The following TFF1 variants were observed in gnomAD, a reference collection of about 807,000 sequenced individuals.
TFF1 encodes breast cancer estrogen-inducible protein.
TFF1 carries 8 observed loss-of-function variants against 7.7 expected under a neutral mutation model. The ratio of observed to expected loss-of-function variants is 1.04; its 90% CI spans 0.61 to 1.87. The LOEUF (loss-of-function observed/expected upper bound fraction) is 1.87, where lower values mean the gene tolerates loss of function less well. Ranked by LOEUF, TFF1 falls within the 40% of genes most tolerant of loss-of-function variation. The pLI is 0.00. For synonymous variants in TFF1, 47 were observed against 44.8 expected, an observed-to-expected ratio of 1.05 and a Z score of -0.19; for missense variants, 120 against 113.4, an observed-to-expected ratio of 1.06 and a Z score of -0.26.
At chr21:42,364,178 G>A (rs2052261114) in intron 1 of TFF1, among the ~76,000 whole-genome samples, 1 of 152,070 alleles carries the variant, frequency 6.6e-6, no homozygotes, top group African/African-American at 2.4e-5. Context: ...ACAACGCAAG[G>A]CCATCGTCCC....
Position 42,362,439 on chromosome 21 carries a change from G to T in TFF1, c.*40C>A, listed in dbSNP as rs181388912. Reference sequence around the variant, plus strand: ...TGGGACTAATCACCGTGCTGGGGACGGCACCGCGTCAGGATGCAGGCAGAT... The same window carrying T: ...TGGGACTAATCACCGTGCTGGGGACTGCACCGCGTCAGGATGCAGGCAGAT... On this transcript the variant is annotated 3_prime_UTR_variant, in exon 3 of 3. Transcript: ENST00000291527. The T allele has an allele frequency of 6.4e-7, 1 of 1,566,046 alleles. No individual in the cohort carries two copies. The highest frequency in any genetic ancestry group is 2.4e-5 in the East Asian group (1 of 41,768).
chr21:42,363,419 C>T lies in TFF1; in HGVS notation c.86-12G>A. 6.2e-7 allele frequency: 1 copy of T among 1,612,116 alleles called. No homozygotes were observed. Among genetic ancestry groups the T allele is most frequent in the Non-Finnish European group, 8.5e-7 (1 of 1,179,036 alleles). On this transcript the variant is annotated splice_polypyrimidine_tract_variant and intron_variant, in intron 1 of 2. Transcript: ENST00000291527. Reference sequence around the variant, plus strand: ...CACTGTACACGTCTCTGAAAGTGCACAGGTAAGAAGCAAAGTAAGTTGTGG... The same window carrying T: ...CACTGTACACGTCTCTGAAAGTGCATAGGTAAGAAGCAAAGTAAGTTGTGG...
At chr21:42,362,900 C>CAA (rs34253894) in intron 2 of TFF1, among the ~76,000 whole-genome samples, 2 of 117,616 alleles carry the variant, frequency 1.7e-5, no homozygotes, top group Admixed American at 9.0e-5. Flanking sequence ...GACTCCATTT[C>CAA]AAAAAAAAAA....
At chr21:42,363,522 C>A (rs750887293) in intron 1 of TFF1, 115 bp from the exon 2 acceptor site, 1 of 1,318,694 alleles carries the variant, frequency 7.6e-7, no homozygotes, top group Non-Finnish European at 1.0e-6. Context: ...TCCAGTGAGG[C>A]GGATATAAAA....
chr21:42,366,527 G>C lies in TFF1; in HGVS notation c.-32C>G. On this transcript the variant is annotated 5_prime_UTR_variant, in exon 1 of 3. Transcript: ENST00000291527. ...CTCTCTGCTCCAAAGGCGACCCCGA[G>C]TCAGGGATGAGAGGCCGCCCGAGCC... 3 of 1,588,886 alleles carry C rather than the reference G, an allele frequency of 1.9e-6. No individual in the cohort carries two copies. Among genetic ancestry groups the C allele is most frequent in the Non-Finnish European group, 2.6e-6 (3 of 1,161,626 alleles).
At position 42,366,423 on chromosome 21, in the gene TFF1, C is replaced by T. The variant is rs117389225; in HGVS notation, c.73G>A (p.Glu25Lys). The T allele has an allele frequency of 0.012, 19,334 of 1,611,318 alleles. 164 individuals carry two copies. Among genetic ancestry groups the T allele is most frequent in the Middle Eastern group, 0.034 (203 of 6,036 alleles). The change falls in exon 1 of 3, where the codon GAG becomes AAG. Residue 25 changes from glutamate (E) to lysine (K), a missense_variant. Physicochemically the swap from Glu to Lys is moderately conservative, Grantham distance 56 (BLOSUM62 1). Transcript: ENST00000291527. ...AAGCACGCCTTACCTGTCTGGGCCTCGGCCAGGGTGCCGAGGGCCAGCATG... is the reference window on the plus strand; with the variant it reads ...AAGCACGCCTTACCTGTCTGGGCCTTGGCCAGGGTGCCGAGGGCCAGCATG... ...VSMLALGTLA[E>K]AQTETCTVAP... is the part of the protein sequence containing the mutation.
intron 1 of TFF1, among the ~76,000 whole-genome samples, chr21:42,366,005 G>A (rs1211147592): frequency 2.6e-5 from 4 of 152,202 alleles, no homozygotes; most frequent in Non-Finnish European, 5.9e-5. Flanking sequence ...GGCCATCACT[G>A]GGACCGGCAT....
At chr21:42,365,412 G>T (rs904225261) in intron 1 of TFF1, among the ~76,000 whole-genome samples, 1 of 152,138 alleles carries the variant, frequency 6.6e-6, no homozygotes, top group Non-Finnish European at 1.5e-5. Flanking sequence ...GGGCTTGGGG[G>T]TCTTCCCACT....
rs539013827 is a variant in TFF1, at chr21:42,362,401, G to C, written c.*78C>G. The C allele has an allele frequency of 6.6e-7, 1 of 1,515,256 alleles. No homozygotes were observed. The highest frequency in any genetic ancestry group is 8.9e-7 in the Non-Finnish European group (1 of 1,119,934). 93.9% of individuals were successfully genotyped at this position (1,515,256 alleles called of 1,614,324 possible). A position where few individuals can be genotyped will look rare whatever the true frequency, so the allele number is the denominator to read the frequency against. On this transcript the variant is annotated 3_prime_UTR_variant, in exon 3 of 3. Transcript: ENST00000291527. ...CGTGTCTGAGGTGTCCGGTGGAGGT[G>C]GCAGCCGAGCTCTGGGACTAATCAC...
intron 1 of TFF1, among the ~76,000 whole-genome samples, chr21:42,365,224 G>A (rs1182325268): frequency 1.3e-5 from 2 of 151,718 alleles, no homozygotes; most frequent in African/African-American, 4.8e-5. Context: ...GTGGGGAGGG[G>A]AGTTTGCCAC....
intron 1 of TFF1, among the ~76,000 whole-genome samples, chr21:42,365,223 GGA>G (rs2052270019): frequency 6.6e-6 from 1 of 152,006 alleles, no homozygotes; most frequent in South Asian, 2.1e-4. Context: ...GGTGGGGAGG[GGA>G]GTTTGCCACG....
intron 1 of TFF1, among the ~76,000 whole-genome samples, chr21:42,365,268 C>G (rs1307669443): frequency 8.3e-6 from 1 of 120,518 alleles, no homozygotes; most frequent in Non-Finnish European, 1.8e-5. Context: ...GGGGGCAGAG[C>G]TGGGGGCTGG....
chr21:42,363,238 G>T lies in TFF1; in HGVS notation c.238+17C>A, dbSNP rs374812770. 2 of 1,613,906 alleles carry T rather than the reference G, an allele frequency of 1.2e-6. No individual in the cohort carries two copies. Among genetic ancestry groups the T allele is most frequent in the African/African-American group, 2.7e-5 (2 of 74,898 alleles). On this transcript the variant is annotated intron_variant, in intron 2 of 2. Coordinates refer to ENST00000291527, the MANE Select transcript of TFF1 (RefSeq NM_003225.3). ...TAATTCTAAATCTTCAGAACCCATC[G>T]TATAAAAAGGCCATACCTTCTGGAG...
intron 1 of TFF1, among the ~76,000 whole-genome samples, chr21:42,364,476 C>A (rs2052263424): frequency 6.6e-6 from 1 of 152,192 alleles, no homozygotes; most frequent in Non-Finnish European, 1.5e-5. Flanking sequence ...GAGGAAGACA[C>A]GTGGACAGAT....
intron 1 of TFF1, among the ~76,000 whole-genome samples, chr21:42,364,167 G>A (rs1039644778): frequency 6.6e-6 from 1 of 151,902 alleles, no homozygotes; most frequent in Non-Finnish European, 1.5e-5. Flanking sequence ...ACATGTGCGA[G>A]ACAACGCAAG....
At chr21:42,364,273 GC>G (rs1281962959) in intron 1 of TFF1, among the ~76,000 whole-genome samples, 1 of 152,166 alleles carries the variant, frequency 6.6e-6, no homozygotes, top group Non-Finnish European at 1.5e-5. Context: ...GGGGCTCCCT[GC>G]AGGAGGAGGT....
Position 42,363,417 on chromosome 21 carries a change from C to T in TFF1, c.86-10G>A. 2 of 1,612,278 alleles carry T rather than the reference C, an allele frequency of 1.2e-6. No individual in the cohort carries two copies. The highest frequency in any genetic ancestry group is 1.3e-5 in the African/African-American group (1 of 74,952). ...GCCACTGTACACGTCTCTGAAAGTGCACAGGTAAGAAGCAAAGTAAGTTGT... is the reference window on the plus strand; with the variant it reads ...GCCACTGTACACGTCTCTGAAAGTGTACAGGTAAGAAGCAAAGTAAGTTGT... On this transcript the variant is annotated splice_polypyrimidine_tract_variant and intron_variant, in intron 1 of 2. Transcript: ENST00000291527.
intron 1 of TFF1, 150 bp from the exon 2 acceptor site, chr21:42,363,557 T>C: frequency 9.7e-7 from 1 of 1,031,500 alleles, no homozygotes; most frequent in Non-Finnish European, 1.4e-6. Flanking sequence ...GAGGGAGACG[T>C]GGTCCTCACA....
In TFF1 at chr21:42,366,528, T is replaced by G. The variant is rs923127545; in HGVS notation, c.-33A>C. ...TCTCTGCTCCAAAGGCGACCCCGAG[T>G]CAGGGATGAGAGGCCGCCCGAGCCC... On this transcript the variant is annotated 5_prime_UTR_variant, in exon 1 of 3. Coordinates refer to ENST00000291527, the MANE Select transcript of TFF1 (RefSeq NM_003225.3). The G allele has an allele frequency of 1.3e-6, 2 of 1,587,820 alleles. No homozygotes were observed.
Sources: allele counts gnomAD v4.1 joint callset (sites outside exome capture counted in the v4.1 genomes callset), GRCh38; gene constraint gnomAD v4.1.1; transcripts MANE v1.5; gene names NCBI Gene and HGNC (gene_info 2026-07-23, HGNC 2026-07-21).